GALNTL6: variants seen among roughly 807,000 people sequenced by gnomAD.
The protein encoded by GALNTL6 is polypeptide N-acetylgalactosaminyltransferase-like 6.
GALNTL6 carries 46 observed loss-of-function variants against 73.7 expected under a neutral mutation model. The ratio of observed to expected loss-of-function variants is 0.62; its 90% CI spans 0.49 to 0.80. The LOEUF (loss-of-function observed/expected upper bound fraction) is 0.80, where lower values mean the gene tolerates loss of function less well. GALNTL6 is among the 30% of genes least tolerant of loss of function. GALNTL6 has a pLI of 0.00. For synonymous variants in GALNTL6, 259 were observed against 263.7 expected (o/e 0.98, Z 0.17); for missense variants, 604 against 755.0 (o/e 0.80, Z 2.34).
intron 2 of GALNTL6, among the ~76,000 whole-genome samples, chr4:171,954,250 G>T (rs1738978887): frequency 6.6e-6 from 1 of 152,140 alleles, no homozygotes; most frequent in African/African-American, 2.4e-5. Context: ...TGTGATTTAT[G>T]ATTTGAAATA....
chr4:172,956,489 G>A (rs1409898015), intron 10 of GALNTL6, among the ~76,000 whole-genome samples: 2 of 152,210 alleles, frequency 1.3e-5, no homozygotes, highest in Non-Finnish European at 2.9e-5. Flanking sequence ...AGTCAAGAGT[G>A]GCGGTTTGGG....
chr4:172,299,788 C>G (rs372351176), intron 3 of GALNTL6, among the ~76,000 whole-genome samples: 2 of 152,218 alleles, frequency 1.3e-5, no homozygotes, highest in South Asian at 2.1e-4. Context: ...TTACTTCCAA[C>G]TATGTGGTCA....
At chr4:172,411,079 A>G (rs1349398864) in intron 5 of GALNTL6, among the ~76,000 whole-genome samples, 1 of 152,124 alleles carries the variant, frequency 6.6e-6, no homozygotes, top group African/African-American at 2.4e-5. Context: ...CCCCATATAA[A>G]AGGAACAACT....
At chr4:172,235,618 CTTT>C (rs1249391986) in intron 3 of GALNTL6, among the ~76,000 whole-genome samples, 1 of 151,920 alleles carries the variant, frequency 6.6e-6, no homozygotes, top group African/African-American at 2.4e-5. Context: ...TTTGCAGTAA[CTTT>C]TTTATTTTTT....
chr4:172,944,725 T>C (rs1246969266), intron 9 of GALNTL6, among the ~76,000 whole-genome samples: 1 of 152,012 alleles, frequency 6.6e-6, no homozygotes, highest in Non-Finnish European at 1.5e-5. Flanking sequence ...AACAGGTAAA[T>C]GGAGAAACAA....
chr4:172,821,190 G>A (rs574316508), intron 7 of GALNTL6, among the ~76,000 whole-genome samples: 2 of 152,318 alleles, frequency 1.3e-5, no homozygotes, highest in East Asian at 1.9e-4. Context: ...AGATACTGTG[G>A]TTTTCTAATT....
chr4:172,828,308 T>C (rs1372900331), intron 7 of GALNTL6, among the ~76,000 whole-genome samples: 3 of 149,816 alleles, frequency 2.0e-5, no homozygotes, highest in East Asian at 2.0e-4. Flanking sequence ...AAAAAAAACA[T>C]TGAAGTGCTC....
At chr4:172,883,108 T>C (rs1409022434) in intron 8 of GALNTL6, among the ~76,000 whole-genome samples, 4 of 152,168 alleles carry the variant, frequency 2.6e-5, no homozygotes, top group Non-Finnish European at 5.9e-5. Context: ...TTATACATAT[T>C]TGTGGGGTAC....
At chr4:171,873,041 G>A (rs1165408319) in intron 2 of GALNTL6, among the ~76,000 whole-genome samples, 2 of 152,106 alleles carry the variant, frequency 1.3e-5, no homozygotes, top group African/African-American at 2.4e-5. Context: ...TACTATCATA[G>A]GAACAAGTTA....
chr4:172,400,235 G>T (rs1210406590), intron 5 of GALNTL6, among the ~76,000 whole-genome samples: 1 of 152,060 alleles, frequency 6.6e-6, no homozygotes, highest in East Asian at 1.9e-4. Flanking sequence ...GCTAGATAAA[G>T]CTCAAAGATC....
At chr4:172,534,500 CT>C (rs557044831) in intron 5 of GALNTL6, among the ~76,000 whole-genome samples, 4 of 152,080 alleles carry the variant, frequency 2.6e-5, no homozygotes, top group Non-Finnish European at 5.9e-5. Flanking sequence ...AGTGGTATGT[CT>C]TTTTTCTGTA....
intron 5 of GALNTL6, among the ~76,000 whole-genome samples, chr4:172,742,230 T>C (rs1392423058): frequency 6.6e-6 from 1 of 151,960 alleles, no homozygotes; most frequent in Non-Finnish European, 1.5e-5. Context: ...TGAACCTGTT[T>C]GTTTGGGGTT....
At chr4:173,021,707 T>G (rs1002131672) in intron 12 of GALNTL6, 82 bp downstream of exon 12, 3 of 1,454,864 alleles carry the variant, frequency 2.1e-6, no homozygotes, top group Non-Finnish European at 2.9e-6. Flanking sequence ...AAACACACCG[T>G]TTTAGGCCTG....
intron 2 of GALNTL6, among the ~76,000 whole-genome samples, chr4:172,015,109 G>A (rs537816181): frequency 6.6e-6 from 1 of 151,964 alleles, no homozygotes; most frequent in East Asian, 1.9e-4. Flanking sequence ...TTTTTTTGTT[G>A]ACTTTCTGTT....
chr4:172,997,114 C>G (rs1445415848), intron 10 of GALNTL6, among the ~76,000 whole-genome samples: 1 of 152,212 alleles, frequency 6.6e-6, no homozygotes, highest in Admixed American at 6.5e-5. Flanking sequence ...GACTCCAATC[C>G]TATTTTTGAC....
intron 5 of GALNTL6, among the ~76,000 whole-genome samples, chr4:172,385,773 T>G (rs1449764690): frequency 6.6e-6 from 1 of 152,036 alleles, no homozygotes; most frequent in African/African-American, 2.4e-5. Flanking sequence ...TAATTACTGG[T>G]AAGATAGAAT....
Position 172,910,129 on chromosome 4 carries a change from A to G in GALNTL6, c.1042-21032A>G, listed in dbSNP as rs1747122395. 1.3e-5 allele frequency among the ~76,000 whole-genome samples: 2 copies of G among 152,000 alleles called. 1 individual carries two copies. Among genetic ancestry groups the G allele is most frequent in the South Asian group, 4.1e-4 (2 of 4,834 alleles). ...ATATATAGTATATGTGAACATATTT[A>G]TAAGACAAAATTAAAATAGTTTCAT... On this transcript the variant is annotated intron_variant, in intron 8 of 12. Coordinates refer to ENST00000506823, the MANE Select transcript of GALNTL6 (RefSeq NM_001034845.3).
intron 5 of GALNTL6, among the ~76,000 whole-genome samples, chr4:172,583,562 G>A (rs1446297207): frequency 6.6e-6 from 1 of 152,126 alleles, no homozygotes; most frequent in Non-Finnish European, 1.5e-5. Flanking sequence ...CAAAGTTTGT[G>A]TTTTAACCAC....
At position 173,012,936 on chromosome 4, in the gene GALNTL6, G is replaced by A. The variant is rs146215987; in HGVS notation, c.1488+3642G>A. 9.9e-3 allele frequency among the ~76,000 whole-genome samples: 1,504 copies of A among 152,212 alleles called. 27 individuals carry two copies. Among genetic ancestry groups the A allele is most frequent in the African/African-American group, 0.034 (1,399 of 41,530 alleles). ...GTGGCTCACTTGAGGTCAGGAGTTC[G>A]AGACCAGCCTGGCTAACATTTTGAA... On this transcript the variant is annotated intron_variant, in intron 11 of 12. Coordinates refer to ENST00000506823, the MANE Select transcript of GALNTL6 (RefSeq NM_001034845.3).
Sources: gnomAD v4.1 joint callset for allele counts (sites outside exome capture counted in the v4.1 genomes callset) on GRCh38, gnomAD v4.1.1 for gene constraint, MANE v1.5 for transcripts, NCBI Gene and HGNC (gene_info 2026-07-23, HGNC 2026-07-21) for gene names.